The following PRR3 variants were observed in gnomAD, a reference collection of about 807,000 sequenced individuals.
PRR3 encodes the protein proline rich 3.
In PRR3, 16 loss-of-function variants were observed where a neutral mutation model predicts 22.4. The observed-to-expected ratio is 0.71, with a 90% confidence interval of 0.48 to 1.09. The LOEUF (loss-of-function observed/expected upper bound fraction) is 1.09, where lower values mean the gene tolerates loss of function less well. PRR3 is among the 50% of genes least tolerant of loss of function. PRR3 has a pLI of 0.00. For synonymous variants in PRR3, 87 were observed against 88.6 expected (o/e 0.98, Z 0.10); for missense variants, 224 against 243.4 (o/e 0.92, Z 0.53).
In PRR3 at chr6:30,563,096, T is replaced by C. The variant is rs1181556200; in HGVS notation, c.*601T>C. ...ATGATCCCCACCGCTATGGTCTATC[T>C]ATGATCACCGTGCTTTGTGAAACTG... On this transcript the variant is annotated 3_prime_UTR_variant, in exon 4 of 4. Coordinates refer to ENST00000376560, the MANE Select transcript of PRR3 (RefSeq NM_025263.4). 1 of 152,710 alleles carries C rather than the reference T, an allele frequency of 6.5e-6. No homozygotes were observed. The highest frequency in any genetic ancestry group is 2.4e-5 in the African/African-American group (1 of 41,444). 9.5% of individuals were successfully genotyped at this position (152,710 alleles called of 1,614,324 possible).
Position 30,561,221 on chromosome 6 carries a change from T to C in PRR3, c.170-613T>C, listed in dbSNP as rs987599732. The stretch of plus-strand genomic sequence containing the variant: ...ATGTATGAAACTTGAGCATAACATA[T>C]ACTTTATAAGCCAGTAATACCTCTA... On this transcript the variant is annotated intron_variant, in intron 2 of 3. Coordinates refer to ENST00000376560, the MANE Select transcript of PRR3 (RefSeq NM_025263.4). The surrounding 1 kb of genome is among the most constrained non-coding windows in gnomAD (Gnocchi z 4.0). 1 of 367,800 alleles carries C rather than the reference T, an allele frequency of 2.7e-6. No individual in the cohort carries two copies. Among genetic ancestry groups the C allele is most frequent in the South Asian group, 2.1e-5 (1 of 47,934 alleles). The allele number at this position is 367,800 out of a possible 1,614,324, so 22.8% of individuals were successfully genotyped here. A position where few individuals can be genotyped will look rare whatever the true frequency, so the allele number is the denominator to read the frequency against.
Position 30,561,810 on chromosome 6 carries a change from GTC to G in PRR3, c.170-5_170-4del, listed in dbSNP as rs550878539. On this transcript the variant is annotated intron_variant, in intron 2 of 3. Transcript: ENST00000376560. This position sits in a 1 kb window ranked among gnomAD's most constrained non-coding sequence, Gnocchi z 4.0. ...AGCTGCCCATTAGACACCTTTCTGTGTCTCTCTCTCTCTCTCTCTCCAGCTCT... is the reference window on the plus strand; with the variant it reads ...AGCTGCCCATTAGACACCTTTCTGTGTCTCTCTCTCTCTCTCTCCAGCTCT... 29,646 of 1,028,286 alleles carry G rather than the reference GTC, an allele frequency of 0.029. No homozygotes were observed. The highest frequency in any genetic ancestry group is 0.07 in the South Asian group (3,598 of 51,148). The allele number at this position is 1,028,286 out of a possible 1,614,324, so 63.7% of individuals were successfully genotyped here. A position where few individuals can be genotyped will look rare whatever the true frequency, so the allele number is the denominator to read the frequency against.
In PRR3 at chr6:30,561,801, C is replaced by T. The variant is rs1224155865; in HGVS notation, c.170-33C>T. On this transcript the variant is annotated intron_variant, in intron 2 of 3. Transcript: ENST00000376560. This position sits in a 1 kb window ranked among gnomAD's most constrained non-coding sequence, Gnocchi z 4.0. ...TCAGGATTCAGCTGCCCATTAGACACCTTTCTGTGTCTCTCTCTCTCTCTC... is the reference window on the plus strand; with the variant it reads ...TCAGGATTCAGCTGCCCATTAGACATCTTTCTGTGTCTCTCTCTCTCTCTC... The T allele has an allele frequency of 1.3e-6, 2 of 1,494,800 alleles. No homozygotes were observed. Among genetic ancestry groups the T allele is most frequent in the South Asian group, 1.3e-5 (1 of 75,704 alleles). The allele number at this position is 1,494,800 out of a possible 1,614,324, so 92.6% of individuals were successfully genotyped here.
intron 2 of PRR3, chr6:30,558,523 T>C (rs1442981670): frequency 1.1e-5 from 4 of 376,002 alleles, no homozygotes; most frequent in African/African-American, 8.1e-5. Flanking sequence ...GAGGGCTTAC[T>C]ATGAATATCA....
chr6:30,557,381 C>T lies in PRR3; in HGVS notation c.37C>T (p.Pro13Ser). ...AAAGAAGCAGAATCATCACCAGCCA[C>T]CGACACAGCAGCAGCCCCCGCTGCC... ...KRKKQNHHQP[P>S]TQQQPPLPER... The change falls in exon 1 of 4, where the codon CCG (proline) becomes TCG (serine). Residue 13 changes from proline (P) to serine (S), a missense_variant. Pro to Ser is a moderately conservative substitution (Grantham distance 74). Coordinates refer to ENST00000376560, the MANE Select transcript of PRR3 (RefSeq NM_025263.4). The T allele has an allele frequency of 1.2e-6, 2 of 1,612,800 alleles. No homozygotes were observed. Among genetic ancestry groups the T allele is most frequent in the Non-Finnish European group, 1.7e-6 (2 of 1,179,986 alleles).
intron 1 of PRR3, 59 bp downstream of exon 1, chr6:30,557,509 G>A: frequency 8.0e-7 from 1 of 1,254,594 alleles, no homozygotes. Context: ...CAAGGGGCTA[G>A]GGGCTAATAA....
chr6:30,558,710 C>A (rs776033090), intron 2 of PRR3, among the ~76,000 whole-genome samples: 22 of 152,124 alleles, frequency 1.4e-4, no homozygotes, highest in Admixed American at 1.4e-3. Flanking sequence ...ATAGTTACAA[C>A]GATGCAGTTT....
chr6:30,557,513 CTAA>C (rs1800333994), intron 1 of PRR3, 63 bp downstream of exon 1: 1 of 1,193,552 alleles, frequency 8.4e-7, no homozygotes, highest in African/African-American at 1.5e-5. Flanking sequence ...GGGCTAGGGG[CTAA>C]TAAGGTGCGA....
In PRR3 at chr6:30,561,853, A is replaced by G. The variant is rs763004218; in HGVS notation, c.189A>G (p.Pro63=). The change falls in exon 3 of 4, where the codon CCA becomes CCG. Residue 63 remains proline, a synonymous_variant. Transcript: ENST00000376560. The surrounding 1 kb of genome is among the most constrained non-coding windows in gnomAD (Gnocchi z 4.0). ...DPKSALHRGP[P]GSRGPLIPPL... is the part of the protein sequence containing the mutation. ...CTCCAGCTCTTCACAGAGGTCCTCC[A>G]GGATCAAGGGGACCACTGATTCCAC... 6.4e-7 allele frequency: 1 copy of G among 1,567,576 alleles called. No individual in the cohort carries two copies. Among genetic ancestry groups the G allele is most frequent in the Non-Finnish European group, 8.6e-7 (1 of 1,156,818 alleles).
chr6:30,559,309 G>A (rs371547284), intron 2 of PRR3, among the ~76,000 whole-genome samples: 8 of 152,204 alleles, frequency 5.3e-5, no homozygotes, highest in South Asian at 2.1e-4. Flanking sequence ...CCTGGAAGGC[G>A]GAGGTTGCAG....
chr6:30,559,823 T>C (rs1212411512), intron 2 of PRR3, among the ~76,000 whole-genome samples: 1 of 146,476 alleles, frequency 6.8e-6, no homozygotes, highest in South Asian at 2.1e-4. Context: ...AAAAAAAAAA[T>C]GGAAAGCAGG....
At position 30,558,160 on chromosome 6, in the gene PRR3, C is replaced by G. The variant is rs759479042; in HGVS notation, c.117C>G (p.Ser39Arg). Residue 39 changes from serine to arginine, a missense_variant, in exon 2 of 4, where the codon AGC becomes AGG. Physicochemically the swap from Ser to Arg is moderately radical, Grantham distance 110. Transcript: ENST00000376560. ...EEDGSPIGPPSLLGPPPMANG... is the reference protein window; with the variant it reads ...EEDGSPIGPPRLLGPPPMANG... Reference sequence around the variant, plus strand: ...CATGTCTGCTCTTAGGACCACCCAGCCTTCTGGGCCCTCCCCCCATGGCCA... The same window carrying G: ...CATGTCTGCTCTTAGGACCACCCAGGCTTCTGGGCCCTCCCCCCATGGCCA... The G allele has an allele frequency of 6.2e-6, 10 of 1,612,842 alleles. No homozygotes were observed. The highest frequency in any genetic ancestry group is 7.6e-6 in the Non-Finnish European group (9 of 1,179,942).
chr6:30,562,345 T>C (rs1436877509), intron 3 of PRR3, 44 bp from the exon 4 acceptor site: 2 of 1,456,906 alleles, frequency 1.4e-6, no homozygotes, highest in East Asian at 2.3e-5. Context: ...TTTGTTTTCT[T>C]TGTTGCTCAA....
In PRR3 at chr6:30,561,221, T is replaced by A. The variant is rs987599732; in HGVS notation, c.170-613T>A. ...ATGTATGAAACTTGAGCATAACATA[T>A]ACTTTATAAGCCAGTAATACCTCTA... On this transcript the variant is annotated intron_variant, in intron 2 of 3. Coordinates refer to ENST00000376560, the MANE Select transcript of PRR3 (RefSeq NM_025263.4). This position sits in a 1 kb window ranked among gnomAD's most constrained non-coding sequence, Gnocchi z 4.0. 3 of 367,682 alleles carry A rather than the reference T, an allele frequency of 8.2e-6. No homozygotes were observed. The highest frequency in any genetic ancestry group is 1.6e-5 in the Non-Finnish European group (3 of 188,844). The allele number at this position is 367,682 out of a possible 1,614,324, so 22.8% of individuals were successfully genotyped here. A position where few individuals can be genotyped will look rare whatever the true frequency, so the allele number is the denominator to read the frequency against.
Position 30,561,695 on chromosome 6 carries a change from G to A in PRR3, c.170-139G>A, listed in dbSNP as rs141423674. 5,734 of 728,274 alleles carry A rather than the reference G, an allele frequency of 7.9e-3. 29 individuals carry two copies. The highest frequency in any genetic ancestry group is 0.027 in the Middle Eastern group (68 of 2,542). The allele number at this position is 728,274 out of a possible 1,614,324, so 45.1% of individuals were successfully genotyped here. On this transcript the variant is annotated intron_variant, in intron 2 of 3. Coordinates refer to ENST00000376560, the MANE Select transcript of PRR3 (RefSeq NM_025263.4). This position sits in a 1 kb window ranked among gnomAD's most constrained non-coding sequence, Gnocchi z 4.0. ...AAACTCAAGTGTGTCTACTTTGTGAGAACTGGGTTGTGCACTTAAAACTGG... is the reference window on the plus strand; with the variant it reads ...AAACTCAAGTGTGTCTACTTTGTGAAAACTGGGTTGTGCACTTAAAACTGG...
intron 2 of PRR3, among the ~76,000 whole-genome samples, chr6:30,559,296 G>A (rs1800470749): frequency 6.6e-6 from 1 of 152,186 alleles, no homozygotes. Context: ...AGAATCGCTT[G>A]AACCTGGAAG....
chr6:30,557,376 A>C lies in PRR3; in HGVS notation c.32A>C (p.Gln11Pro). The C allele has an allele frequency of 6.2e-7, 1 of 1,612,724 alleles. No homozygotes were observed. Among genetic ancestry groups the C allele is most frequent in the African/African-American group, 1.3e-5 (1 of 75,056 alleles). ...AAACGAAAGAAGCAGAATCATCACC[A>C]GCCACCGACACAGCAGCAGCCCCCG... MPKRKKQNHH[Q>P]PPTQQQPPLP... Residue 11 changes from glutamine (Q) to proline (P), a missense_variant, in exon 1 of 4, where the codon CAG (glutamine) becomes CCG (proline). Coordinates refer to ENST00000376560, the MANE Select transcript of PRR3 (RefSeq NM_025263.4).
At chr6:30,559,522 T>A (rs777631134) in intron 2 of PRR3, among the ~76,000 whole-genome samples, 5 of 152,150 alleles carry the variant, frequency 3.3e-5, no homozygotes, top group Non-Finnish European at 7.3e-5. Context: ...AGACAAGCCA[T>A]TTGAAAAATT....
In PRR3 at chr6:30,562,435, C is replaced by G. The variant is rs1248981447; in HGVS notation, c.507C>G (p.His169Gln). 6.2e-7 allele frequency: 1 copy of G among 1,614,206 alleles called. No individual in the cohort carries two copies. Among genetic ancestry groups the G allele is most frequent in the Non-Finnish European group, 8.5e-7 (1 of 1,180,022 alleles). ...GCCGACATTTTGCCAAAAAGGGCCA[C>G]TGTCGATATGAGGACCTCTGTGCCT... The part of the protein sequence containing the change: ...PVCRHFAKKG[H>Q]CRYEDLCAFY... Residue 169 changes from histidine (H) to glutamine (Q), a missense_variant, in exon 4 of 4, where the codon CAC becomes CAG. His to Gln is a conservative substitution (Grantham distance 24, BLOSUM62 0). Coordinates refer to ENST00000376560, the MANE Select transcript of PRR3 (RefSeq NM_025263.4).
Sources: gnomAD v4.1 joint callset for allele counts (sites outside exome capture counted in the v4.1 genomes callset) on GRCh38, gnomAD v4.1.1 for gene constraint, Gnocchi (gnomAD v3.1) non-coding constraint, MANE v1.5 for transcripts, NCBI Gene and HGNC (gene_info 2026-07-23, HGNC 2026-07-21) for gene names.